The following STRN3 variants were observed in gnomAD, a reference collection of about 807,000 sequenced individuals.
STRN3 encodes the protein striatin-3.
A neutral mutation model predicts 95.6 loss-of-function variants in STRN3; 29 were observed. The ratio of observed to expected loss-of-function variants is 0.30; its 90% CI spans 0.23 to 0.41. STRN3 has a LOEUF of 0.41. Among genes scored for constraint, STRN3 ranks in the 10% least tolerant of loss-of-function variants. STRN3 has a pLI of 1.00. For missense variants in STRN3, 890 were observed against 972.1 expected (o/e 0.92, Z 1.12); for synonymous variants, 331 against 357.6 (o/e 0.93, Z 0.84).
intron 15 of STRN3, among the ~76,000 whole-genome samples, chr14:30,904,628 G>A (rs981929144): frequency 6.6e-6 from 1 of 152,010 alleles, no homozygotes; most frequent in African/African-American, 2.4e-5. Context: ...AATGGAGAGG[G>A]AATGATAAAA....
intron 1 of STRN3, among the ~76,000 whole-genome samples, chr14:30,969,251 T>C (rs977313665): frequency 6.6e-6 from 1 of 152,136 alleles, no homozygotes; most frequent in African/African-American, 2.4e-5. Flanking sequence ...CTGGCTAACA[T>C]GGTGAAACAC....
chr14:30,934,579 A>G (rs567684978), intron 7 of STRN3, among the ~76,000 whole-genome samples: 6 of 152,294 alleles, frequency 3.9e-5, no homozygotes, highest in African/African-American at 1.4e-4. Flanking sequence ...TATTAGCACA[A>G]TGTACCACTT....
chr14:30,991,814 T>A (rs975622389), intron 1 of STRN3, among the ~76,000 whole-genome samples: 1 of 151,874 alleles, frequency 6.6e-6, no homozygotes. Context: ...GAAAATGTCA[T>A]TAAAGGTTGG....
At chr14:30,947,401 T>A in intron 4 of STRN3, 138 bp from the exon 5 acceptor site, 1 of 637,226 alleles carries the variant, frequency 1.6e-6, no homozygotes. Context: ...CTCTACAGAC[T>A]AGTTCCAGTT....
At chr14:30,989,126 T>A (rs1365412151) in intron 1 of STRN3, among the ~76,000 whole-genome samples, 1 of 152,116 alleles carries the variant, frequency 6.6e-6, no homozygotes, top group Non-Finnish European at 1.5e-5. Flanking sequence ...CCACAGAAAG[T>A]AGTCTGGTCA....
At chr14:30,899,677 C>T (rs1896251766) in intron 16 of STRN3, among the ~76,000 whole-genome samples, 1 of 152,110 alleles carries the variant, frequency 6.6e-6, no homozygotes, top group South Asian at 2.1e-4. Context: ...CCACTTCCTT[C>T]ACTTAAAAAC....
chr14:30,906,631 A>G (rs2138970297), intron 14 of STRN3, among the ~76,000 whole-genome samples: 1 of 152,132 alleles, frequency 6.6e-6, no homozygotes, highest in East Asian at 1.9e-4. Context: ...TGTCTATTCC[A>G]CTGTTATATA....
chr14:30,911,865 T>A (rs893746526), intron 11 of STRN3, 41 bp from the exon 12 acceptor site: 10 of 1,583,222 alleles, frequency 6.3e-6, no homozygotes, highest in Non-Finnish European at 8.6e-6. Flanking sequence ...AGAAGGCAAT[T>A]AAATAACTAT....
chr14:31,002,752 T>C (rs570447753), intron 1 of STRN3, among the ~76,000 whole-genome samples: 2 of 152,230 alleles, frequency 1.3e-5, no homozygotes, highest in East Asian at 1.9e-4. Context: ...CATTTGTATG[T>C]ATGAGTCCAC....
At chr14:30,932,411 T>G (rs1427480397) in intron 7 of STRN3, 3 of 152,256 alleles carry the variant, frequency 2.0e-5, no homozygotes. Context: ...AACATCTTGT[T>G]GAGTAGAAAT....
At position 30,924,637 on chromosome 14, in the gene STRN3, C is replaced by T. The variant is rs116307840; in HGVS notation, c.1099+4564G>A. Among the ~76,000 whole-genome samples, 489 of 152,174 alleles carry T rather than the reference C, an allele frequency of 3.2e-3. 1 individual carries two copies. Among genetic ancestry groups the T allele is most frequent in the African/African-American group, 0.011 (474 of 41,512 alleles). On this transcript the variant is annotated intron_variant, in intron 8 of 17. Transcript: ENST00000357479. ...CTTTTGGAGGTTGAGGTGAGATGAT[C>T]AGTTGAGGCCAGGAGTTTGAGATCC...
At chr14:30,978,286 A>G (rs1028493882) in intron 1 of STRN3, among the ~76,000 whole-genome samples, 5 of 152,136 alleles carry the variant, frequency 3.3e-5, no homozygotes, top group African/African-American at 1.2e-4. Context: ...AATCCAACAA[A>G]GTAGGATTTA....
chr14:30,960,382 T>C (rs926077443), intron 1 of STRN3, among the ~76,000 whole-genome samples: 2 of 151,868 alleles, frequency 1.3e-5, no homozygotes, highest in East Asian at 1.9e-4. Context: ...CAATAAGATA[T>C]AACACTGCAG....
chr14:31,013,865 TATTATTATTATTATTA>T (rs1190329988), intron 1 of STRN3, among the ~76,000 whole-genome samples: 10 of 91,500 alleles, frequency 1.1e-4, no homozygotes, highest in Non-Finnish European at 1.2e-4. Flanking sequence ...AAAGCAATTT[TATTATTATTATTATTA>T]TTATTATTAT....
chr14:30,993,947 G>A (rs938351718), intron 1 of STRN3, among the ~76,000 whole-genome samples: 1 of 151,576 alleles, frequency 6.6e-6, no homozygotes, highest in Non-Finnish European at 1.5e-5. Flanking sequence ...ACACAATCTC[G>A]GCTCACGGCA....
chr14:30,926,833 C>T (rs555576654), intron 8 of STRN3, among the ~76,000 whole-genome samples: 72 of 152,164 alleles, frequency 4.7e-4, no homozygotes, highest in African/African-American at 1.6e-3. Context: ...GTCTCCAGTA[C>T]TGATTCAGTC....
At chr14:30,958,826 G>A (rs1271548199) in intron 1 of STRN3, among the ~76,000 whole-genome samples, 2 of 152,170 alleles carry the variant, frequency 1.3e-5, no homozygotes, top group Non-Finnish European at 2.9e-5. Context: ...TTATACTGTT[G>A]TGAGAATTGG....
intron 5 of STRN3, among the ~76,000 whole-genome samples, chr14:30,943,356 G>A (rs1477570813): frequency 6.6e-6 from 1 of 152,196 alleles, no homozygotes; most frequent in Non-Finnish European, 1.5e-5. Flanking sequence ...GCTGAGGCAG[G>A]AAGTTGCTTG....
At chr14:30,911,210 G>T (rs1337395959) in intron 12 of STRN3, 48 bp from the exon 13 acceptor site, 1 of 1,535,444 alleles carries the variant, frequency 6.5e-7, no homozygotes, top group Admixed American at 2.0e-5. Flanking sequence ...ATTCTAAGAA[G>T]AAACTCAAAT....
Sources: gnomAD v4.1 joint callset for allele counts (sites outside exome capture counted in the v4.1 genomes callset) on GRCh38, gnomAD v4.1.1 for gene constraint, MANE v1.5 for transcripts, NCBI Gene and HGNC (gene_info 2026-07-23, HGNC 2026-07-21) for gene names.